PRKAG2: variants seen among roughly 807,000 people sequenced by gnomAD.
The protein encoded by PRKAG2 is protein kinase AMP-activated non-catalytic subunit gamma 2, also known as 5'-AMP-activated protein kinase subunit gamma-2.
PRKAG2 carries 26 observed loss-of-function variants against 69.6 expected under a neutral mutation model. The ratio of observed to expected loss-of-function variants is 0.37; its 90% CI spans 0.27 to 0.52. The LOEUF is 0.52. PRKAG2 is among the 20% of genes least tolerant of loss of function. The pLI, the probability that PRKAG2 is intolerant of heterozygous loss-of-function variation, is 0.90. For missense variants in PRKAG2, 557 were observed against 740.0 expected, an observed-to-expected ratio of 0.75 and a Z score of 2.87; for synonymous variants, 293 against 285.0, an observed-to-expected ratio of 1.03 and a Z score of -0.28.
At chr7:151,773,353 A>G (rs2076183383) in intron 3 of PRKAG2, among the ~76,000 whole-genome samples, 1 of 152,222 alleles carries the variant, frequency 6.6e-6, no homozygotes, top group South Asian at 2.1e-4. Flanking sequence ...ATTGGTTTAT[A>G]GATCCCTAAG....
intron 1 of PRKAG2, among the ~76,000 whole-genome samples, chr7:151,862,221 A>G (rs2079947919): frequency 6.6e-6 from 1 of 152,190 alleles, no homozygotes; most frequent in Admixed American, 6.5e-5. Flanking sequence ...CCTGAGCCAA[A>G]GCCCAAGTAA....
At chr7:151,826,794 A>C (rs1195347728) in intron 1 of PRKAG2, among the ~76,000 whole-genome samples, 1 of 152,156 alleles carries the variant, frequency 6.6e-6, no homozygotes, top group African/African-American at 2.4e-5. Context: ...ACAAAATACC[A>C]CTTTTGAGTT....
intron 3 of PRKAG2, chr7:151,735,802 G>T: frequency 6.9e-7 from 1 of 1,448,792 alleles, no homozygotes; most frequent in Non-Finnish European, 9.3e-7. Flanking sequence ...GAAGAGAGTG[G>T]CTGGAAACAG....
At chr7:151,856,330 C>G (rs558820526) in intron 1 of PRKAG2, among the ~76,000 whole-genome samples, 152 of 152,374 alleles carry the variant, frequency 1.0e-3, no homozygotes, top group Non-Finnish European at 1.6e-3. Flanking sequence ...TTCCAAGGCC[C>G]GCGCAGCCGA....
intron 1 of PRKAG2, among the ~76,000 whole-genome samples, chr7:151,844,355 G>A (rs899835233): frequency 1.3e-5 from 2 of 152,138 alleles, no homozygotes; most frequent in Admixed American, 6.5e-5. Flanking sequence ...CCGCGAAGTC[G>A]TGTGGGCTGG....
At chr7:151,621,331 T>C (rs776990110) in intron 5 of PRKAG2, among the ~76,000 whole-genome samples, 3 of 152,164 alleles carry the variant, frequency 2.0e-5, no homozygotes, top group Non-Finnish European at 4.4e-5. Context: ...CTGAATAGAA[T>C]GGTATGCTCT....
At chr7:151,623,393 C>CAAAAAAAAA (rs1822002574) in intron 5 of PRKAG2, among the ~76,000 whole-genome samples, 1 of 73,256 alleles carries the variant, frequency 1.4e-5, no homozygotes, top group Non-Finnish European at 3.1e-5. Flanking sequence ...AAAAAAAAAG[C>CAAAAAAAAA]TCATAAAGAG....
At chr7:151,616,703 G>C (rs1820228655) in intron 5 of PRKAG2, among the ~76,000 whole-genome samples, 2 of 152,248 alleles carry the variant, frequency 1.3e-5, no homozygotes, top group Admixed American at 6.5e-5. Flanking sequence ...ACATACACAG[G>C]AGGAGCCAGA....
intron 5 of PRKAG2, among the ~76,000 whole-genome samples, chr7:151,628,833 T>C (rs1823668200): frequency 6.6e-6 from 1 of 152,122 alleles, no homozygotes; most frequent in Admixed American, 6.5e-5. Context: ...GCTGAGAACT[T>C]GCTATGTGCC....
chr7:151,573,577 T>C (rs1808207718), intron 8 of PRKAG2, among the ~76,000 whole-genome samples: 1 of 152,076 alleles, frequency 6.6e-6, no homozygotes, highest in Non-Finnish European at 1.5e-5. Context: ...AGATTTCTTA[T>C]ATGGGATTTG....
intron 5 of PRKAG2, among the ~76,000 whole-genome samples, chr7:151,601,885 C>A (rs544706440): frequency 6.6e-6 from 1 of 152,342 alleles, no homozygotes; most frequent in African/African-American, 2.4e-5. Flanking sequence ...ACACTGCCAC[C>A]AGCACTACCA....
At chr7:151,574,706 A>G (rs539316595) in intron 8 of PRKAG2, among the ~76,000 whole-genome samples, 185 bp downstream of exon 8, 2 of 152,326 alleles carry the variant, frequency 1.3e-5, no homozygotes, top group South Asian at 4.1e-4. Context: ...TATAACTTAC[A>G]GTAAAGAGAG....
chr7:151,786,690 CCAGCCCCCA>C lies in PRKAG2; in HGVS notation c.115-158_115-150del, dbSNP rs1039965052. ...AGGGATGTGGACGTGTTTGCTACAC[CCAGCCCCCA>C]AAGCCCCTGACCACCATGCACATCC... On this transcript the variant is annotated intron_variant, in intron 1 of 15. Coordinates refer to ENST00000287878, the MANE Select transcript of PRKAG2 (RefSeq NM_016203.4). 3.6e-4 allele frequency: 251 copies of C among 701,944 alleles called. 4 individuals are homozygous for C. The East Asian group carries it at 5.5e-3, about 15-fold the overall frequency. 43.5% of individuals were successfully genotyped at this position (701,944 alleles called of 1,614,324 possible).
chr7:151,736,730 T>C (rs1799869675), intron 3 of PRKAG2, among the ~76,000 whole-genome samples: 1 of 152,204 alleles, frequency 6.6e-6, no homozygotes, highest in Admixed American at 6.5e-5. Context: ...CAATGCCGTC[T>C]TCAAGGAGGG....
At chr7:151,681,183 C>T (rs1441107341) in intron 3 of PRKAG2, among the ~76,000 whole-genome samples, 15 of 152,244 alleles carry the variant, frequency 9.9e-5, no homozygotes, top group Admixed American at 9.2e-4. Flanking sequence ...AGAGAGGTGG[C>T]GGGATGCAGG....
At chr7:151,735,630 A>AAAATC (rs926005767) in intron 3 of PRKAG2, among the ~76,000 whole-genome samples, 29 of 152,234 alleles carry the variant, frequency 1.9e-4, no homozygotes, top group African/African-American at 6.3e-4. Flanking sequence ...TAAATGAATG[A>AAAATC]CAATCCAATC....
intron 3 of PRKAG2, among the ~76,000 whole-genome samples, chr7:151,718,525 C>T (rs938247828): frequency 7.9e-5 from 12 of 151,232 alleles, no homozygotes; most frequent in East Asian, 1.9e-4. Flanking sequence ...TCCGTGTCCC[C>T]GCTCTGTAAG....
intron 5 of PRKAG2, 60 bp from the exon 6 acceptor site, chr7:151,595,514 A>G (rs899631233): frequency 8.7e-7 from 1 of 1,148,320 alleles, no homozygotes; most frequent in Non-Finnish European, 1.3e-6. Context: ...TCGGATGAAG[A>G]GCATATACGT....
chr7:151,762,173 G>A (rs1159823643), intron 3 of PRKAG2, among the ~76,000 whole-genome samples: 2 of 152,298 alleles, frequency 1.3e-5, no homozygotes, highest in Non-Finnish European at 2.9e-5. Flanking sequence ...TGGACTTAGC[G>A]GGAGAAGGGG....
Sources: gnomAD v4.1 joint callset for allele counts (sites outside exome capture counted in the v4.1 genomes callset) on GRCh38, gnomAD v4.1.1 for gene constraint, MANE v1.5 for transcripts, NCBI Gene and HGNC (gene_info 2026-07-23, HGNC 2026-07-21) for gene names.